The following WIPF3 variants were observed in gnomAD, a reference collection of about 807,000 sequenced individuals.
The protein encoded by WIPF3 is WAS/WASL interacting protein family member 3, also known as WAS/WASL-interacting protein family member 3.
A neutral mutation model predicts 38.9 loss-of-function variants in WIPF3; 33 were observed. That is an observed-to-expected ratio of 0.85 (90% CI 0.64 to 1.14). The LOEUF (loss-of-function observed/expected upper bound fraction) is 1.14, where lower values mean the gene tolerates loss of function less well. Among genes scored for constraint, WIPF3 ranks in the 50% most tolerant of loss-of-function variants. The pLI is 0.00. For synonymous variants in WIPF3, 324 were observed against 269.3 expected (o/e 1.20, Z -1.99); for missense variants, 711 against 652.5 (o/e 1.09, Z -0.98).
chr7:29,847,912 G>A (rs1472668240), intron 2 of WIPF3, among the ~76,000 whole-genome samples: 1 of 152,218 alleles, frequency 6.6e-6, no homozygotes, highest in Non-Finnish European at 1.5e-5. Flanking sequence ...TGAGCGACAA[G>A]AGGTCAGGTG....
chr7:29,884,456 A>G lies in WIPF3; in HGVS notation c.962A>G (p.Glu321Gly), dbSNP rs3750092. 83,073 of 1,449,496 alleles carry G rather than the reference A, an allele frequency of 0.057. 3,795 individuals carry two copies. Among genetic ancestry groups the G allele is most frequent in the East Asian group, 0.33 (11,716 of 35,404 alleles). 89.8% of individuals were successfully genotyped at this position (1,449,496 alleles called of 1,614,324 possible). A position where few individuals can be genotyped will look rare whatever the true frequency, so the allele number is the denominator to read the frequency against. The change falls in exon 5 of 9, where the codon GAA becomes GGA. Residue 321 changes from glutamate (E) to glycine (G), a missense_variant. Glu to Gly is a moderately conservative substitution (Grantham distance 98, BLOSUM62 -2). Transcript: ENST00000242140. ...PPLPGVNSSS[E>G]TPPPLPPKSP... ...TTGCCAGGAGTTAATAGCAGCAGTG[A>G]AACTCCACCCCCGCTACCCCCTAAA...
At chr7:29,858,332 A>G (rs1785221256) in intron 2 of WIPF3, among the ~76,000 whole-genome samples, 1 of 152,162 alleles carries the variant, frequency 6.6e-6, no homozygotes, top group South Asian at 2.1e-4. Context: ...CGTGTGGGTT[A>G]ACTTCACTGA....
rs148013666 is a variant in WIPF3, at chr7:29,844,874, C to T, written c.90+10060C>T. ...AACGGCTCCCGGCTGTGCTCTGAAG[C>T]GCTAAACCAAAAGCCCTTCGATGCA... On this transcript the variant is annotated intron_variant, in intron 2 of 8. Coordinates refer to ENST00000242140, the MANE Select transcript of WIPF3 (RefSeq NM_001080529.3). This position sits in a 1 kb window ranked among gnomAD's most constrained non-coding sequence, Gnocchi z 4.8. Among the ~76,000 whole-genome samples the T allele has an allele frequency of 2.7e-4, 41 of 152,238 alleles. No individual in the cohort carries two copies. Among genetic ancestry groups the T allele is most frequent in the Non-Finnish European group, 4.6e-4 (31 of 68,012 alleles).
intron 3 of WIPF3, 71 bp downstream of exon 3, chr7:29,876,033 C>T (rs1238169554): frequency 5.7e-6 from 9 of 1,567,140 alleles, no homozygotes; most frequent in African/African-American, 1.4e-5. Flanking sequence ...CAGCCAGACA[C>T]CCCTGGCTGG....
chr7:29,815,287 T>G (rs1357386881), intron 1 of WIPF3, among the ~76,000 whole-genome samples: 1 of 152,226 alleles, frequency 6.6e-6, no homozygotes, highest in Non-Finnish European at 1.5e-5. Flanking sequence ...TTTCCTGAGT[T>G]TCAAATTCCC....
chr7:29,854,328 T>C (rs1282556403), intron 2 of WIPF3, among the ~76,000 whole-genome samples: 1 of 152,244 alleles, frequency 6.6e-6, no homozygotes, highest in African/African-American at 2.4e-5. Context: ...AAAAGTATTT[T>C]CAGCTGTGGC....
At chr7:29,909,736 A>C (rs1337078059) in intron 8 of WIPF3, among the ~76,000 whole-genome samples, 3 of 152,076 alleles carry the variant, frequency 2.0e-5, no homozygotes, top group Non-Finnish European at 4.4e-5. Context: ...CTCTACAAAA[A>C]AATTTTTAAA....
chr7:29,856,018 T>C (rs1785182358), intron 2 of WIPF3, among the ~76,000 whole-genome samples: 1 of 152,234 alleles, frequency 6.6e-6, no homozygotes, highest in African/African-American at 2.4e-5. Flanking sequence ...AACATGACTT[T>C]TGTGTGTTTC....
intron 1 of WIPF3, among the ~76,000 whole-genome samples, chr7:29,826,855 G>A (rs1309563020): frequency 1.3e-5 from 2 of 152,176 alleles, no homozygotes; most frequent in Non-Finnish European, 2.9e-5. Context: ...GTGCTTAAGA[G>A]CCTGGCCTCT....
intron 2 of WIPF3, among the ~76,000 whole-genome samples, chr7:29,868,644 A>G (rs1785435687): frequency 6.6e-6 from 1 of 152,020 alleles, no homozygotes; most frequent in Non-Finnish European, 1.5e-5. Context: ...TGAAGCGTCT[A>G]CATTGTTAGG....
intron 2 of WIPF3, among the ~76,000 whole-genome samples, chr7:29,838,440 T>C (rs1295290060): frequency 6.6e-6 from 1 of 152,084 alleles, no homozygotes; most frequent in East Asian, 1.9e-4. Flanking sequence ...AGGAGATTAA[T>C]GAAAGTATTA....
chr7:29,825,729 A>G (rs930631937), intron 1 of WIPF3, among the ~76,000 whole-genome samples: 4 of 152,212 alleles, frequency 2.6e-5, no homozygotes, highest in African/African-American at 7.2e-5. Context: ...TTGCATTTCA[A>G]TAAGAGTCCT....
chr7:29,882,370 G>A (rs1206621034), intron 4 of WIPF3, among the ~76,000 whole-genome samples: 1 of 152,148 alleles, frequency 6.6e-6, no homozygotes, highest in Non-Finnish European at 1.5e-5. Flanking sequence ...GTATTATATG[G>A]AAAAAGGTTT....
At chr7:29,875,149 C>T (rs1365686486) in intron 2 of WIPF3, among the ~76,000 whole-genome samples, 2 of 152,174 alleles carry the variant, frequency 1.3e-5, no homozygotes, top group Non-Finnish European at 2.9e-5. Context: ...TTCTCCACAA[C>T]TTTCTGACCT....
At position 29,823,911 on chromosome 7, in the gene WIPF3, A is replaced by T. The variant is rs1013007836; in HGVS notation, c.-57-10757A>T. 6.6e-6 allele frequency among the ~76,000 whole-genome samples: 1 copy of T among 152,160 alleles called. No individual in the cohort carries two copies. The highest frequency in any genetic ancestry group is 6.5e-5 in the Admixed American group (1 of 15,278). On this transcript the variant is annotated intron_variant, in intron 1 of 8. Transcript: ENST00000242140. This position sits in a 1 kb window ranked among gnomAD's most constrained non-coding sequence, Gnocchi z 4.0. ...GGCCTCCCCAGAAGCAGATGCCGTT[A>T]TGCTTCCTGTACAGCCTGCAGAACT...
chr7:29,848,598 GAA>G lies in WIPF3; in HGVS notation c.90+13786_90+13787del, dbSNP rs554202610. ...TTCATTTAAAACTCTACTACCCAGG[GAA>G]ATTTGAACACTGATGGGATATTGGT... On this transcript the variant is annotated intron_variant, in intron 2 of 8. Transcript: ENST00000242140. Among the ~76,000 whole-genome samples the G allele has an allele frequency of 9.2e-4, 140 of 152,220 alleles. 1 individual carries two copies. The South Asian group carries it at 0.028, about 31-fold the overall frequency.
intron 8 of WIPF3, among the ~76,000 whole-genome samples, chr7:29,907,440 C>G (rs551387575): frequency 6.6e-6 from 1 of 152,260 alleles, no homozygotes; most frequent in South Asian, 2.1e-4. Flanking sequence ...AAATTATAGT[C>G]TTACAACTTT....
rs924817469 is a variant in WIPF3, at chr7:29,844,241, C to T, written c.90+9427C>T. Reference sequence around the variant, plus strand: ...TTATTTTCTTTTTTTTGTGAGTCTGCGTCTCCTCAGATGTCTACATGGAAC... The same window carrying T: ...TTATTTTCTTTTTTTTGTGAGTCTGTGTCTCCTCAGATGTCTACATGGAAC... On this transcript the variant is annotated intron_variant, in intron 2 of 8. Transcript: ENST00000242140. The surrounding 1 kb of genome is among the most constrained non-coding windows in gnomAD (Gnocchi z 4.8). Among the ~76,000 whole-genome samples, 15 of 152,036 alleles carry T rather than the reference C, an allele frequency of 9.9e-5. No individual in the cohort carries two copies. Among genetic ancestry groups the T allele is most frequent in the African/African-American group, 2.7e-4 (11 of 41,392 alleles).
chr7:29,817,805 A>G (rs1449933983), intron 1 of WIPF3, among the ~76,000 whole-genome samples: 2 of 152,168 alleles, frequency 1.3e-5, no homozygotes, highest in Non-Finnish European at 2.9e-5. Flanking sequence ...AAACTTTGAA[A>G]TCACCTTGAG....
Sources: gnomAD v4.1 joint callset for allele counts (sites outside exome capture counted in the v4.1 genomes callset) on GRCh38, gnomAD v4.1.1 for gene constraint, Gnocchi (gnomAD v3.1) non-coding constraint, MANE v1.5 for transcripts, NCBI Gene and HGNC (gene_info 2026-07-23, HGNC 2026-07-21) for gene names.